Variants in LRRC40 observed in about 807,000 individuals in gnomAD.
LRRC40 encodes the protein leucine-rich repeat-containing protein 40.
In LRRC40, 76 loss-of-function variants were observed where a neutral mutation model predicts 72.8. The ratio of observed to expected loss-of-function variants is 1.04; its 90% confidence interval spans 0.87 to 1.26. The LOEUF (loss-of-function observed/expected upper bound fraction) is 1.26, where lower values mean the gene tolerates loss of function less well. LRRC40 is among the 50% of genes most tolerant of loss of function. The probability of loss-of-function intolerance (pLI) is 0.00; values close to 1 mark genes in which losing one functional copy is unlikely to be tolerated. For missense variants in LRRC40, 684 were observed against 698.9 expected (o/e 0.98, Z 0.24); for synonymous variants, 243 against 254.2 (o/e 0.96, Z 0.42).
At chr1:70,156,872 C>T (rs538631682) in intron 10 of LRRC40, among the ~76,000 whole-genome samples, 1 of 152,064 alleles carries the variant, frequency 6.6e-6, no homozygotes, top group Non-Finnish European at 1.5e-5. Context: ...TGGAATTTTC[C>T]GTTTAATATT....
chr1:70,163,091 T>C (rs970868531), intron 9 of LRRC40, among the ~76,000 whole-genome samples: 7 of 151,522 alleles, frequency 4.6e-5, no homozygotes, highest in African/African-American at 1.7e-4. Flanking sequence ...TTTTTTTTTT[T>C]TTTGAGACGG....
intron 9 of LRRC40, among the ~76,000 whole-genome samples, chr1:70,162,489 T>G (rs1571449880): frequency 1.3e-5 from 2 of 152,226 alleles, no homozygotes; most frequent in African/African-American, 4.8e-5. Flanking sequence ...AGCCCAGCAA[T>G]CTGGTTCACC....
chr1:70,148,524 G>T lies in LRRC40; in HGVS notation c.1666C>A (p.Gln556Lys). The stretch of plus-strand genomic sequence containing the variant: ...CAATTACCGAGCTCTGGTGGAATTT[G>T]TAAGAGGTCATTATTTTGAAGGTCC... Reference protein sequence around the residue: ...TLDLQNNDLLQIPPELGNCVN... With the variant: ...TLDLQNNDLLKIPPELGNCVN... The change falls in exon 14 of 15, where the codon CAA becomes AAA. Residue 556 changes from glutamine (Q) to lysine (K), a missense_variant. Physicochemically the swap from Gln to Lys is moderately conservative, Grantham distance 53. Coordinates refer to ENST00000370952, the MANE Select transcript of LRRC40 (RefSeq NM_017768.5). 6.2e-7 allele frequency: 1 copy of T among 1,613,388 alleles called. No individual in the cohort carries two copies. The highest frequency in any genetic ancestry group is 8.5e-7 in the Non-Finnish European group (1 of 1,179,546).
chr1:70,175,713 GA>G (rs1668087994), intron 7 of LRRC40, 96 bp downstream of exon 7: 13 of 877,730 alleles, frequency 1.5e-5, no homozygotes, highest in Non-Finnish European at 1.8e-5. Flanking sequence ...ATTCAATTTA[GA>G]AAAAAGGAAC....
intron 11 of LRRC40, among the ~76,000 whole-genome samples, chr1:70,154,522 T>G (rs1053437815): frequency 5.9e-5 from 9 of 152,160 alleles, no homozygotes; most frequent in Non-Finnish European, 1.3e-4. Context: ...TCTCAGTCCT[T>G]TAAAACAAGA....
At position 70,189,215 on chromosome 1, in the gene LRRC40, A is replaced by G; in HGVS notation, c.210T>C (p.Leu70=). The G allele has an allele frequency of 6.2e-7, 1 of 1,613,692 alleles. No homozygotes were observed. Among genetic ancestry groups the G allele is most frequent in the South Asian group, 1.1e-5 (1 of 91,064 alleles). ...VDIPEEANQN[L]SFGATERWWE... The stretch of plus-strand genomic sequence containing the variant: ...ACCATCTTTCAGTAGCACCAAACGA[A>G]AGATTCTGATTAGCTTCCTCAGGGA... The change falls in exon 2 of 15, where the codon CTT becomes CTC. Residue 70 remains leucine, a synonymous_variant. Coordinates refer to ENST00000370952, the MANE Select transcript of LRRC40 (RefSeq NM_017768.5).
chr1:70,205,564 C>CT lies in LRRC40; in HGVS notation c.-25dup. 3.8e-6 allele frequency: 6 copies of CT among 1,568,646 alleles called. No homozygotes were observed. The highest frequency in any genetic ancestry group is 5.2e-6 in the Non-Finnish European group (6 of 1,146,000). ...ATGTTCAAAGTCCTAGGTCCAGAAGCTGCAGCCCCACCCGTGACGCTTAAA... is the reference window on the plus strand; with the variant it reads ...ATGTTCAAAGTCCTAGGTCCAGAAGCTTGCAGCCCCACCCGTGACGCTTAAA... On this transcript the variant is annotated 5_prime_UTR_variant, in exon 1 of 15. Transcript: ENST00000370952.
chr1:70,170,422 G>C (rs1425552304), intron 9 of LRRC40, among the ~76,000 whole-genome samples: 7 of 152,158 alleles, frequency 4.6e-5, no homozygotes, highest in African/African-American at 1.7e-4. Context: ...AAGGCATCCA[G>C]ATTGGAAAGG....
At chr1:70,174,442 G>T (rs934914258) in intron 7 of LRRC40, among the ~76,000 whole-genome samples, 1 of 151,996 alleles carries the variant, frequency 6.6e-6, no homozygotes, top group Non-Finnish European at 1.5e-5. Flanking sequence ...ACTGCTACAC[G>T]TTTACTCAGG....
At chr1:70,178,751 T>C (rs560990593) in intron 6 of LRRC40, 100 bp downstream of exon 6, 11 of 658,274 alleles carry the variant, frequency 1.7e-5, no homozygotes, top group African/African-American at 5.5e-5. Flanking sequence ...TTATAACTAA[T>C]ACACACTCCC....
chr1:70,195,884 C>T (rs1668597441), intron 1 of LRRC40, among the ~76,000 whole-genome samples: 1 of 152,126 alleles, frequency 6.6e-6, no homozygotes, highest in Non-Finnish European at 1.5e-5. Flanking sequence ...GATCCACCTG[C>T]CTCGGCCTCC....
In LRRC40 at chr1:70,189,686, A is replaced by G. The variant is rs186061322; in HGVS notation, c.152-413T>C. On this transcript the variant is annotated intron_variant, in intron 1 of 14. Coordinates refer to ENST00000370952, the MANE Select transcript of LRRC40 (RefSeq NM_017768.5). ...AACTTTTATAACAGAAGTATATACT[A>G]AGGCTCAGAAAGAACTAGTAATAAT... is the stretch of plus-strand genomic sequence containing the variant. Among the ~76,000 whole-genome samples, 8 of 152,370 alleles carry G rather than the reference A, an allele frequency of 5.3e-5. No homozygotes were observed. In the East Asian group the frequency reaches 1.5e-3, roughly 29 times the overall value.
Position 70,187,291 on chromosome 1 carries a change from T to C in LRRC40, c.381A>G (p.Leu127=). The change falls in exon 3 of 15, where the codon CTA becomes CTG. Residue 127 remains leucine (L), a synonymous_variant. Coordinates refer to ENST00000370952, the MANE Select transcript of LRRC40 (RefSeq NM_017768.5). Reference sequence around the variant, plus strand: ...TGACATTAAGTTTCTGAAGATTTTCTAGCTCTCTTATAGCAGAAGGAAGGG... The same window carrying C: ...TGACATTAAGTTTCTGAAGATTTTCCAGCTCTCTTATAGCAGAAGGAAGGG... ...LTSLPSAIRE[L]ENLQKLNVSH... is the part of the protein sequence containing the mutation. 1 of 1,587,544 alleles carries C rather than the reference T, an allele frequency of 6.3e-7. No individual in the cohort carries two copies. Among genetic ancestry groups the C allele is most frequent in the South Asian group, 1.1e-5 (1 of 89,272 alleles).
chr1:70,198,764 C>T (rs1668669494), intron 1 of LRRC40, among the ~76,000 whole-genome samples: 1 of 151,904 alleles, frequency 6.6e-6, no homozygotes, highest in African/African-American at 2.4e-5. Context: ...TATTATACAG[C>T]CACTAAAAAT....
chr1:70,191,328 C>T lies in LRRC40; in HGVS notation c.152-2055G>A, dbSNP rs183017584. 2.0e-3 allele frequency among the ~76,000 whole-genome samples: 307 copies of T among 151,956 alleles called. 1 individual carries two copies. The highest frequency in any genetic ancestry group is 7.2e-3 in the African/African-American group (299 of 41,446). ...ACATCTATACATAGGTATATTAAGG[C>T]CATTATACCTAAAAAGCAGTGTAAT... On this transcript the variant is annotated intron_variant, in intron 1 of 14. Transcript: ENST00000370952.
intron 1 of LRRC40, among the ~76,000 whole-genome samples, chr1:70,200,236 G>A (rs1432107274): frequency 1.3e-5 from 2 of 152,168 alleles, no homozygotes; most frequent in Non-Finnish European, 2.9e-5. Context: ...GGAGGCCAAG[G>A]CAGGAGGATT....
Position 70,175,819 on chromosome 1 carries a change from T to A in LRRC40, c.968A>T (p.Asp323Val). ...TGATATTTAAACTTACCTACTAATA[T>A]CATTGTTGCTTAGGTCAAGCCTTTC... The part of the protein sequence containing the change: ...SLERLDLSNN[D>V]ISSLPYSLGN... Residue 323 changes from aspartate (D) to valine (V), a missense_variant, in exon 7 of 15, where the codon GAT becomes GTT. By Grantham distance (152) the Asp-to-Val change is radical. Transcript: ENST00000370952. The A allele has an allele frequency of 1.9e-6, 3 of 1,554,224 alleles. No individual in the cohort carries two copies. Among genetic ancestry groups the A allele is most frequent in the Non-Finnish European group, 2.6e-6 (3 of 1,154,320 alleles).
intron 1 of LRRC40, among the ~76,000 whole-genome samples, chr1:70,190,130 G>A (rs1447346130): frequency 6.6e-6 from 1 of 152,178 alleles, no homozygotes; most frequent in Non-Finnish European, 1.5e-5. Context: ...TTTCAATAGA[G>A]TCCTTCACTG....
chr1:70,190,002 T>C (rs1156422492), intron 1 of LRRC40, among the ~76,000 whole-genome samples: 10 of 152,186 alleles, frequency 6.6e-5, no homozygotes. Flanking sequence ...CATACAACAC[T>C]GTGTTATGCT....
Sources: allele counts gnomAD v4.1 joint callset (sites outside exome capture counted in the v4.1 genomes callset), GRCh38; gene constraint gnomAD v4.1.1; transcripts MANE v1.5; gene names NCBI Gene and HGNC (gene_info 2026-07-23, HGNC 2026-07-21).